KCNIP4: variants seen among roughly 807,000 people sequenced by gnomAD.
KCNIP4 encodes the protein Kv channel-interacting protein 4.
Under a neutral mutation model 34.0 loss-of-function variants are expected in KCNIP4, and 12 were observed. The ratio of observed to expected loss-of-function variants is 0.35; its 90% confidence interval spans 0.23 to 0.57. The LOEUF is 0.57. Ranked by LOEUF, KCNIP4 falls within the 20% of genes least tolerant of loss-of-function variation. The pLI is 0.83. For synonymous variants in KCNIP4, 124 were observed against 102.2 expected (o/e 1.21, Z -1.29); for missense variants, 238 against 311.7 (o/e 0.76, Z 1.78).
chr4:21,622,902 C>G (rs1745085808), intron 1 of KCNIP4, among the ~76,000 whole-genome samples: 1 of 152,114 alleles, frequency 6.6e-6, no homozygotes, highest in African/African-American at 2.4e-5. Context: ...TCTGCCATCA[C>G]TCAGAACTTA....
chr4:20,753,906 G>GTTCATTCA (rs3835144), intron 4 of KCNIP4, among the ~76,000 whole-genome samples: 7,233 of 151,266 alleles, frequency 0.048, 243 homozygotes, highest in African/African-American at 0.092. Flanking sequence ...GAGCTCATTT[G>GTTCATTCA]TTCATTCATT....
intron 1 of KCNIP4, among the ~76,000 whole-genome samples, chr4:21,352,119 C>G (rs1214970429): frequency 1.3e-5 from 2 of 152,080 alleles, no homozygotes; most frequent in East Asian, 3.9e-4. Context: ...TGTTTTATTG[C>G]CTAACAGCAC....
At chr4:21,267,985 C>G (rs1299514511) in intron 1 of KCNIP4, among the ~76,000 whole-genome samples, 1 of 151,884 alleles carries the variant, frequency 6.6e-6, no homozygotes, top group East Asian at 1.9e-4. Context: ...GTCCTGGACT[C>G]TTTTTGGTTG....
chr4:21,393,728 T>C (rs1722745975), intron 1 of KCNIP4, among the ~76,000 whole-genome samples: 2 of 152,188 alleles, frequency 1.3e-5, no homozygotes, highest in African/African-American at 2.4e-5. Context: ...TATGATGTTA[T>C]CTGTTAGAAT....
At chr4:20,868,632 C>T (rs903233625) in intron 2 of KCNIP4, among the ~76,000 whole-genome samples, 6 of 151,992 alleles carry the variant, frequency 3.9e-5, no homozygotes, top group Admixed American at 1.3e-4. Context: ...ATGAGGTACA[C>T]AGACACCATG....
At chr4:21,922,169 A>G (rs930502556) in intron 1 of KCNIP4, among the ~76,000 whole-genome samples, 1 of 152,224 alleles carries the variant, frequency 6.6e-6, no homozygotes, top group Non-Finnish European at 1.5e-5. Context: ...CTTATAATCT[A>G]GGCCTCTGCT....
intron 1 of KCNIP4, among the ~76,000 whole-genome samples, chr4:21,337,256 C>T (rs11726878): frequency 0.018 from 2,715 of 152,120 alleles, 42 homozygotes; most frequent in Non-Finnish European, 0.024. Flanking sequence ...ATTATGTTAT[C>T]GATAACTTGA....
chr4:20,943,992 A>G lies in KCNIP4; in HGVS notation c.62-61283T>C, dbSNP rs545594225. On this transcript the variant is annotated intron_variant, in intron 1 of 8. Coordinates refer to ENST00000382152, the MANE Select transcript of KCNIP4 (RefSeq NM_025221.6). The stretch of plus-strand genomic sequence containing the variant: ...AATAGGGAATGGGTTAGCTAGGTTA[A>G]TCAAGGTAATCACAGGAGGCCTTGA... Among the ~76,000 whole-genome samples the G allele has an allele frequency of 2.0e-5, 3 of 152,326 alleles. No homozygotes were observed. In the South Asian group the frequency reaches 6.2e-4, roughly 32 times the overall value.
chr4:20,919,344 G>A (rs944401244), intron 1 of KCNIP4, among the ~76,000 whole-genome samples: 17 of 151,896 alleles, frequency 1.1e-4, no homozygotes, highest in African/African-American at 4.1e-4. Context: ...TTGCTCGGCT[G>A]CCTTTGGGCA....
At chr4:21,855,755 G>T (rs575892699) in intron 1 of KCNIP4, 2 of 152,032 alleles carry the variant, frequency 1.3e-5, no homozygotes, top group South Asian at 4.2e-4. Context: ...TCCAGTACTC[G>T]CCACCATTAT....
intron 1 of KCNIP4, among the ~76,000 whole-genome samples, chr4:21,578,194 C>T (rs1225691130): frequency 6.6e-6 from 1 of 151,806 alleles, no homozygotes; most frequent in Non-Finnish European, 1.5e-5. Context: ...ATTAGCCGGG[C>T]GTGGTAGCGG....
chr4:21,002,288 A>G (rs917045561), intron 1 of KCNIP4, among the ~76,000 whole-genome samples: 14 of 152,224 alleles, frequency 9.2e-5, no homozygotes, highest in Admixed American at 7.9e-4. Flanking sequence ...TGCATTCTGA[A>G]AGCTTTGAAT....
chr4:20,877,573 C>T (rs1183387618), intron 2 of KCNIP4, among the ~76,000 whole-genome samples: 1 of 152,052 alleles, frequency 6.6e-6, no homozygotes, highest in African/African-American at 2.4e-5. Context: ...TGTAAAATAG[C>T]CTATATTCCT....
chr4:21,523,192 GTTAT>G (rs756084935), intron 1 of KCNIP4, among the ~76,000 whole-genome samples: 3 of 152,096 alleles, frequency 2.0e-5, no homozygotes, highest in Non-Finnish European at 4.4e-5. Flanking sequence ...GTAATTTTCT[GTTAT>G]TTATAAGGTA....
chr4:21,048,983 CT>C (rs1466153925), intron 1 of KCNIP4, among the ~76,000 whole-genome samples: 1 of 137,382 alleles, frequency 7.3e-6, no homozygotes, highest in African/African-American at 2.8e-5. Context: ...CGGAGTCTCG[CT>C]CTGTCGCCCA....
In KCNIP4 at chr4:21,866,405, T is replaced by G. The variant is rs146770932; in HGVS notation, c.61+82166A>C. 6.5e-3 allele frequency among the ~76,000 whole-genome samples: 997 copies of G among 152,316 alleles called. 8 individuals are homozygous for G. Among genetic ancestry groups the G allele is most frequent in the African/African-American group, 0.021 (890 of 41,566 alleles). ...TACCATAAATAAACCTGTTGTCTTTTGCCATAATATCTGTAGGGAGTTGCT... is the reference window on the plus strand; with the variant it reads ...TACCATAAATAAACCTGTTGTCTTTGGCCATAATATCTGTAGGGAGTTGCT... On this transcript the variant is annotated intron_variant, in intron 1 of 8. Transcript: ENST00000382152.
chr4:21,567,933 A>G (rs1740042313), intron 1 of KCNIP4, among the ~76,000 whole-genome samples: 1 of 152,142 alleles, frequency 6.6e-6, no homozygotes, highest in South Asian at 2.1e-4. Flanking sequence ...ACAACGCAGA[A>G]GGGGAGCCAG....
At chr4:20,739,430 G>T (rs1401449263) in intron 5 of KCNIP4, among the ~76,000 whole-genome samples, 1 of 152,194 alleles carries the variant, frequency 6.6e-6, no homozygotes, top group Non-Finnish European at 1.5e-5. Flanking sequence ...TGTAGCCTCT[G>T]CTGGTGATAA....
intron 1 of KCNIP4, among the ~76,000 whole-genome samples, chr4:21,309,905 C>A (rs1039723960): frequency 2.6e-5 from 4 of 152,090 alleles, no homozygotes; most frequent in African/African-American, 9.7e-5. Flanking sequence ...GGGAATCGAA[C>A]TAAGATCAGC....
Sources: gnomAD v4.1 joint callset for allele counts (sites outside exome capture counted in the v4.1 genomes callset) on GRCh38, gnomAD v4.1.1 for gene constraint, MANE v1.5 for transcripts, NCBI Gene and HGNC (gene_info 2026-07-23, HGNC 2026-07-21) for gene names.